Variants in RNFT2 observed in about 807,000 individuals in gnomAD.
RNFT2 encodes the protein ring finger protein, transmembrane 2.
In RNFT2, 36 loss-of-function variants were observed where a neutral mutation model predicts 53.0. That is an observed-to-expected ratio of 0.68 (90% confidence interval 0.52 to 0.90). RNFT2 has a LOEUF of 0.90. Among genes scored for constraint, RNFT2 ranks in the 40% least tolerant of loss-of-function variants. The pLI is 0.00. For missense variants in RNFT2, 514 were observed against 585.6 expected, an observed-to-expected ratio of 0.88 and a Z score of 1.26; for synonymous variants, 260 against 253.2, an observed-to-expected ratio of 1.03 and a Z score of -0.26.
chr12:116,807,812 T>C (rs542768193), intron 7 of RNFT2, among the ~76,000 whole-genome samples: 5 of 152,128 alleles, frequency 3.3e-5, no homozygotes, highest in Non-Finnish European at 7.4e-5. Context: ...TGAGTCTGTG[T>C]TTTTGTTTTG....
At chr12:116,833,758 C>T (rs1343877478) in intron 7 of RNFT2, 34 bp from the exon 8 acceptor site, 2 of 1,609,832 alleles carry the variant, frequency 1.2e-6, no homozygotes, top group East Asian at 4.5e-5. Flanking sequence ...GTCTTTACTG[C>T]TAATAATAAT....
At chr12:116,754,411 CA>C (rs1348428909) in intron 5 of RNFT2, among the ~76,000 whole-genome samples, 3 of 152,084 alleles carry the variant, frequency 2.0e-5, no homozygotes, top group Non-Finnish European at 4.4e-5. Context: ...GTTGGTTCCA[CA>C]ATTTTAAAAT....
At chr12:116,779,397 C>T in intron 7 of RNFT2, 49 bp downstream of exon 7, 1 of 1,601,056 alleles carries the variant, frequency 6.2e-7, no homozygotes, top group Admixed American at 1.7e-5. Context: ...ATGGATCATG[C>T]AGAGGATTCA....
At chr12:116,776,524 A>G (rs1036700109) in intron 6 of RNFT2, among the ~76,000 whole-genome samples, 2 of 152,162 alleles carry the variant, frequency 1.3e-5, no homozygotes, top group Non-Finnish European at 2.9e-5. Flanking sequence ...GAGGAATTCC[A>G]TGGAGACAGG....
At position 116,749,924 on chromosome 12, in the gene RNFT2, C is replaced by T; in HGVS notation, c.167C>T (p.Pro56Leu). 1 of 1,582,002 alleles carries T rather than the reference C, an allele frequency of 6.3e-7. No individual in the cohort carries two copies. Among genetic ancestry groups the T allele is most frequent in the Non-Finnish European group, 8.6e-7 (1 of 1,164,114 alleles). Residue 56 changes from proline to leucine, a missense_variant, in exon 4 of 11, where the codon CCA becomes CTA. This residue lies in a region of RNFT2 where 237 missense variants were observed against 235.1 expected (regional missense o/e 1.01). Transcript: ENST00000257575. ...FESLKAEAAS[P>L]PALFSGLSGS... ...AGTCTGAAGGCAGAGGCAGCCTCCCCACCAGCGCTCTTCTCGGGCTTATCA... is the reference window on the plus strand; with the variant it reads ...AGTCTGAAGGCAGAGGCAGCCTCCCTACCAGCGCTCTTCTCGGGCTTATCA...
chr12:116,781,140 T>G (rs1873679819), intron 7 of RNFT2, among the ~76,000 whole-genome samples: 1 of 152,194 alleles, frequency 6.6e-6, no homozygotes, highest in Non-Finnish European at 1.5e-5. Context: ...CTGCACTGAC[T>G]AGCTGTGCAA....
chr12:116,774,077 C>A (rs1873314389), intron 6 of RNFT2, among the ~76,000 whole-genome samples: 1 of 152,180 alleles, frequency 6.6e-6, no homozygotes. Flanking sequence ...ATTTCACTTA[C>A]ATGAAGTACC....
At chr12:116,846,772 T>G (rs1024103199) in intron 10 of RNFT2, among the ~76,000 whole-genome samples, 1 of 152,122 alleles carries the variant, frequency 6.6e-6, no homozygotes, top group Non-Finnish European at 1.5e-5. Context: ...ACATCAATTT[T>G]TTTTTCCCTA....
intron 6 of RNFT2, among the ~76,000 whole-genome samples, chr12:116,771,900 C>A (rs769641368): frequency 1.3e-5 from 2 of 152,188 alleles, no homozygotes; most frequent in Non-Finnish European, 2.9e-5. Context: ...AATCTGCCAA[C>A]GTAAATGAAG....
At chr12:116,802,343 A>G (rs895585488) in intron 7 of RNFT2, among the ~76,000 whole-genome samples, 4 of 152,226 alleles carry the variant, frequency 2.6e-5, no homozygotes, top group African/African-American at 4.8e-5. Flanking sequence ...AGGAGTCGGC[A>G]AACTACAGGT....
chr12:116,845,261 AT>A (rs2137223496), intron 10 of RNFT2, among the ~76,000 whole-genome samples: 18 of 92,248 alleles, frequency 2.0e-4, no homozygotes, highest in African/African-American at 7.9e-4. Context: ...AAAAAAAAAT[AT>A]ATATATATAT....
At chr12:116,809,286 T>C (rs891463834) in intron 7 of RNFT2, among the ~76,000 whole-genome samples, 2 of 152,152 alleles carry the variant, frequency 1.3e-5, no homozygotes, top group African/African-American at 4.8e-5. Context: ...GCGTTTGAAC[T>C]CGATTCCTGG....
At chr12:116,742,205 A>G (rs1021218894) in intron 3 of RNFT2, among the ~76,000 whole-genome samples, 1 of 151,878 alleles carries the variant, frequency 6.6e-6, no homozygotes, top group Non-Finnish European at 1.5e-5. Flanking sequence ...GGCAGGGGCA[A>G]TAGTTTAGGA....
intron 3 of RNFT2, among the ~76,000 whole-genome samples, chr12:116,745,173 ATT>A (rs10637816): frequency 8.0e-6 from 1 of 125,044 alleles, no homozygotes. Context: ...ATTGCACCAG[ATT>A]TTTTTTTTTT....
At chr12:116,790,855 G>A (rs1208875358) in intron 7 of RNFT2, among the ~76,000 whole-genome samples, 2 of 152,186 alleles carry the variant, frequency 1.3e-5, no homozygotes, top group Non-Finnish European at 2.9e-5. Context: ...TACTTGGGAG[G>A]CTGAAGTGGG....
intron 7 of RNFT2, among the ~76,000 whole-genome samples, chr12:116,789,766 G>A (rs1874137295): frequency 6.8e-6 from 1 of 147,536 alleles, no homozygotes; most frequent in Non-Finnish European, 1.5e-5. Context: ...GGAGGAGAGT[G>A]GATGGATGGA....
At chr12:116,767,117 A>G (rs1872952658) in intron 6 of RNFT2, among the ~76,000 whole-genome samples, 2 of 152,220 alleles carry the variant, frequency 1.3e-5, no homozygotes, top group African/African-American at 4.8e-5. Flanking sequence ...GTAAATTAAC[A>G]TCTTCTAGTT....
chr12:116,851,776 GAGGAAGGA>G lies in RNFT2; in HGVS notation c.*2342_*2349del, dbSNP rs746234865. ...AAAAGAAAGAAAGAAGGGAGGGAGG[GAGGAAGGA>G]AGGAAGGAAGGAAAGAAAGAAAGGT... On this transcript the variant is annotated 3_prime_UTR_variant, in exon 11 of 11. Coordinates refer to ENST00000257575, the MANE Select transcript of RNFT2 (RefSeq NM_001382266.1). 2 of 782,960 alleles carry G rather than the reference GAGGAAGGA, an allele frequency of 2.6e-6. No individual in the cohort carries two copies. Among genetic ancestry groups the G allele is most frequent in the Non-Finnish European group, 4.3e-6 (2 of 465,496 alleles). The allele number at this position is 782,960 out of a possible 1,614,324, so 48.5% of individuals were successfully genotyped here.
intron 5 of RNFT2, 93 bp downstream of exon 5, chr12:116,754,153 T>G (rs1424808949): frequency 2.0e-6 from 2 of 992,028 alleles, no homozygotes; most frequent in African/African-American, 3.2e-5. Flanking sequence ...CAGAGTTCAT[T>G]GTATCATTCT....
Sources: gnomAD v4.1 joint callset for allele counts (sites outside exome capture counted in the v4.1 genomes callset) on GRCh38, gnomAD v4.1.1 for gene constraint, gnomAD v4.1.1 regional missense constraint, MANE v1.5 for transcripts, NCBI Gene and HGNC (gene_info 2026-07-23, HGNC 2026-07-21) for gene names.